Variants in TAF1 observed in about 807,000 individuals in gnomAD.
The protein encoded by TAF1 is TATA-box binding protein associated factor 1.
In TAF1, 2 loss-of-function variants were observed where a neutral mutation model predicts 138.5. That is an observed-to-expected ratio of 0.01 (90% CI 0.01 to 0.05). TAF1 has a LOEUF of 0.05. Ranked by LOEUF, TAF1 falls within the 10% of genes least tolerant of loss-of-function variation. The pLI is 1.00. For synonymous variants in TAF1, 437 were observed against 503.2 expected, an observed-to-expected ratio of 0.87 and a Z score of 1.76; for missense variants, 709 against 1,478.0, an observed-to-expected ratio of 0.48 and a Z score of 8.53.
chrX:71,440,709 T>G (rs766493837), intron 32 of TAF1, among the ~76,000 whole-genome samples: 4 of 111,554 alleles, frequency 3.6e-5, no homozygotes, highest in Non-Finnish European at 7.5e-5. Flanking sequence ...GTGATCCAGT[T>G]TCTCTGCAGC....
chrX:71,464,794 A>C lies in TAF1; in HGVS notation c.*748A>C, dbSNP rs2038694101. 1 of 112,093 alleles carries C rather than the reference A, an allele frequency of 8.9e-6. No homozygotes were observed. Among genetic ancestry groups the C allele is most frequent in the Admixed American group, 9.6e-5 (1 of 10,466 alleles). The allele number at this position is 112,093 out of a possible 1,213,427, so 9.2% of individuals were successfully genotyped here. A position where few individuals can be genotyped will look rare whatever the true frequency, so the allele number is the denominator to read the frequency against. On this transcript the variant is annotated 3_prime_UTR_variant, in exon 38 of 38. Coordinates refer to ENST00000423759, the MANE Select transcript of TAF1 (RefSeq NM_004606.5). ...TGAGAGCCCTCCTGCTGGGACAGAG[A>C]ATTGGGTTCTAGTGGACTCTGTGCT... is the stretch of plus-strand genomic sequence containing the variant.
chrX:71,379,085 C>A, intron 8 of TAF1, 54 bp downstream of exon 8: 13 of 868,125 alleles, frequency 1.5e-5, no homozygotes, highest in Non-Finnish European at 1.9e-5. Context: ...TCTTAGTCAC[C>A]ATAAGTGGGC....
chrX:71,502,048 A>G (rs2039519092), intron 13 of TAF1, among the ~76,000 whole-genome samples: 1 of 111,052 alleles, frequency 9.0e-6, no homozygotes, highest in Non-Finnish European at 1.9e-5. Context: ...AGCAAGATTT[A>G]TTGTGAAGAG....
At chrX:71,490,299 T>C (rs2039250964) in intron 13 of TAF1, among the ~76,000 whole-genome samples, 1 of 112,286 alleles carries the variant, frequency 8.9e-6, no homozygotes, top group Non-Finnish European at 1.9e-5. Context: ...TACAAATTCC[T>C]GTTCTTTAAA....
At chrX:71,385,205 T>C (rs2034141846) in intron 14 of TAF1, among the ~76,000 whole-genome samples, 156 bp downstream of exon 14, 1 of 112,245 alleles carries the variant, frequency 8.9e-6, no homozygotes, top group Non-Finnish European at 1.9e-5. Flanking sequence ...TTTAAAGAAA[T>C]CTTTTTCTTA....
chrX:71,369,803 T>A (rs1019940021), intron 3 of TAF1, among the ~76,000 whole-genome samples: 1 of 106,612 alleles, frequency 9.4e-6, no homozygotes, highest in African/African-American at 3.4e-5. Flanking sequence ...TTAGTAGAGA[T>A]GGGGTTTCAC....
chrX:71,454,044 A>G, intron 32 of TAF1, 126 bp from the exon 33 acceptor site: 1 of 523,933 alleles, frequency 1.9e-6, no homozygotes, highest in Non-Finnish European at 3.1e-6. Context: ...GTAGAACAAG[A>G]GTCCAAGTTA....
intron 13 of TAF1, among the ~76,000 whole-genome samples, chrX:71,515,825 G>A (rs770175805): frequency 9.0e-6 from 1 of 111,646 alleles, no homozygotes; most frequent in African/African-American, 3.3e-5. Flanking sequence ...TGAAGGGATT[G>A]TGCAGATGTA....
At chrX:71,483,151 C>CTTT (rs35875629) in intron 13 of TAF1, among the ~76,000 whole-genome samples, 15 of 74,934 alleles carry the variant, frequency 2.0e-4, no homozygotes, top group East Asian at 1.4e-3. Flanking sequence ...TTTTTCTTTT[C>CTTT]TTTTTTTTTT....
chrX:71,486,201 T>A (rs1171960522), intron 13 of TAF1, among the ~76,000 whole-genome samples: 1 of 109,807 alleles, frequency 9.1e-6, no homozygotes, highest in East Asian at 2.9e-4. Context: ...ACTACAGGCA[T>A]CCCGCTAATT....
At chrX:71,467,086 C>CTTTT (rs756449044), downstream of TAF1, among the ~76,000 whole-genome samples, 2 of 65,300 alleles carry the variant, frequency 3.1e-5, no homozygotes, top group African/African-American at 5.7e-5. Flanking sequence ...GGAGGGCATT[C>CTTTT]TTTTTTTTTT....
intron 32 of TAF1, among the ~76,000 whole-genome samples, chrX:71,452,060 G>A (rs2037998495): frequency 9.2e-6 from 1 of 108,596 alleles, no homozygotes; most frequent in African/African-American, 3.3e-5. Context: ...CGGCCGGGCA[G>A]AGGCACCCCT....
intron 28 of TAF1, among the ~76,000 whole-genome samples, chrX:71,410,191 G>A (rs1014976971): frequency 2.7e-5 from 3 of 110,583 alleles, no homozygotes; most frequent in Non-Finnish European, 3.8e-5. Context: ...GCGCCCGGCC[G>A]CATTCTTTTC....
intron 13 of TAF1, among the ~76,000 whole-genome samples, chrX:71,517,201 G>A (rs189893310): frequency 5.4e-5 from 6 of 111,415 alleles, no homozygotes; most frequent in Non-Finnish European, 5.7e-5. Context: ...GGTAGTGGAG[G>A]GGGGAGGAAA....
intron 9 of TAF1, among the ~76,000 whole-genome samples, chrX:71,382,269 G>A (rs745422952): frequency 4.7e-4 from 52 of 111,229 alleles, no homozygotes; most frequent in African/African-American, 1.6e-3. Context: ...TAGGACTGTC[G>A]GAAAGTAGTA....
chrX:71,413,014 T>C (rs1158490657), intron 28 of TAF1, among the ~76,000 whole-genome samples: 2 of 112,307 alleles, frequency 1.8e-5, no homozygotes. Flanking sequence ...AATCTTAAAC[T>C]TTTTGAATGC....
At chrX:71,454,344 G>A (rs1439419698) in intron 33 of TAF1, 107 bp downstream of exon 33, 13 of 672,306 alleles carry the variant, frequency 1.9e-5, no homozygotes, top group Non-Finnish European at 1.6e-5. Context: ...CAGCTGGGAC[G>A]TGTGGTCCCA....
chrX:71,479,910 G>A (rs1213452596), intron 13 of TAF1, among the ~76,000 whole-genome samples: 1 of 111,521 alleles, frequency 9.0e-6, no homozygotes, highest in Non-Finnish European at 1.9e-5. Flanking sequence ...AGGGAGAAAT[G>A]GGATAACCAG....
chrX:71,414,638 A>AGAGCC (rs1414731349), intron 28 of TAF1, among the ~76,000 whole-genome samples: 1 of 62,648 alleles, frequency 1.6e-5, no homozygotes, highest in Non-Finnish European at 2.7e-5. Context: ...CTCTGGCTAT[A>AGAGCC]GAGCCAGCAG....
Sources: gnomAD v4.1 joint callset for allele counts (sites outside exome capture counted in the v4.1 genomes callset) on GRCh38, gnomAD v4.1.1 for gene constraint, MANE v1.5 for transcripts, NCBI Gene and HGNC (gene_info 2026-07-23, HGNC 2026-07-21) for gene names.